The following FLRT1 variants were observed in gnomAD, a reference collection of about 807,000 sequenced individuals.
FLRT1 encodes the protein leucine-rich repeat transmembrane protein FLRT1.
Under a neutral mutation model 30.9 loss-of-function variants are expected in FLRT1, and 14 were observed. The ratio of observed to expected loss-of-function variants is 0.45; its 90% confidence interval spans 0.30 to 0.71. The LOEUF (loss-of-function observed/expected upper bound fraction) is 0.71. Among genes scored for constraint, FLRT1 ranks in the 30% least tolerant of loss-of-function variants. The pLI, the probability that FLRT1 is intolerant of heterozygous loss-of-function variation, is 0.08. For synonymous variants in FLRT1, 368 were observed against 430.4 expected, an observed-to-expected ratio of 0.85 and a Z score of 1.80; for missense variants, 737 against 949.2, an observed-to-expected ratio of 0.78 and a Z score of 2.94.
At chr11:64,114,912 GA>G (rs1346408690) in intron 2 of FLRT1, among the ~76,000 whole-genome samples, 1 of 152,204 alleles carries the variant, frequency 6.6e-6, no homozygotes, top group Non-Finnish European at 1.5e-5. Context: ...TTGCTCGATG[GA>G]AAGAAAAAGC....
chr11:64,096,245 G>A lies in FLRT1; in HGVS notation c.-1037-6949G>A, dbSNP rs563970599. Among the ~76,000 whole-genome samples, 16 of 152,306 alleles carry A rather than the reference G, an allele frequency of 1.1e-4. No individual in the cohort carries two copies. In the South Asian group the frequency reaches 2.5e-3, roughly 24 times the overall value. On this transcript the variant is annotated intron_variant, in intron 1 of 2. Coordinates refer to ENST00000682287, the MANE Select transcript of FLRT1 (RefSeq NM_013280.5). The surrounding 1 kb of genome is among the most constrained non-coding windows in gnomAD (Gnocchi z 4.6). Reference sequence around the variant, plus strand: ...GGGGTCGAACAGCCACTGTTCTGCCGACAAAAGCAGGCCAATTTCCTGAAA... The same window carrying A: ...GGGGTCGAACAGCCACTGTTCTGCCAACAAAAGCAGGCCAATTTCCTGAAA...
intron 1 of FLRT1, among the ~76,000 whole-genome samples, chr11:64,071,867 T>C (rs577967061): frequency 5.3e-5 from 8 of 152,216 alleles, no homozygotes; most frequent in Admixed American, 3.9e-4. Flanking sequence ...CCGTGGGCAG[T>C]AGTGGCGAGA....
chr11:64,047,922 A>T (rs1943615906), intron 1 of FLRT1, among the ~76,000 whole-genome samples: 1 of 148,224 alleles, frequency 6.7e-6, no homozygotes, highest in Non-Finnish European at 1.5e-5. Context: ...AAAAGGAAGG[A>T]AGCAGGAAAG....
At chr11:64,108,095 C>A (rs1057205636) in intron 2 of FLRT1, among the ~76,000 whole-genome samples, 3 of 152,094 alleles carry the variant, frequency 2.0e-5, no homozygotes, top group Admixed American at 6.5e-5. Context: ...GGGCAGATCA[C>A]CTGAGGTCAG....
At chr11:64,079,213 A>G (rs1944260265) in intron 1 of FLRT1, among the ~76,000 whole-genome samples, 1 of 151,850 alleles carries the variant, frequency 6.6e-6, no homozygotes, top group Non-Finnish European at 1.5e-5. Flanking sequence ...GTGTGTAGGG[A>G]GCCCCACGGC....
intron 1 of FLRT1, among the ~76,000 whole-genome samples, chr11:64,097,278 C>T (rs539789629): frequency 1.5e-3 from 225 of 152,326 alleles, no homozygotes; most frequent in Non-Finnish European, 2.2e-3. Context: ...CTACGGTCTG[C>T]GCCCAATTTG....
At chr11:64,097,383 T>C (rs1215168283) in intron 1 of FLRT1, among the ~76,000 whole-genome samples, 1 of 151,938 alleles carries the variant, frequency 6.6e-6, no homozygotes, top group Non-Finnish European at 1.5e-5. Flanking sequence ...AGGAAGAAAA[T>C]AAAGAAGGGG....
At chr11:64,111,622 G>A (rs963612562) in intron 2 of FLRT1, among the ~76,000 whole-genome samples, 1 of 152,202 alleles carries the variant, frequency 6.6e-6, no homozygotes, top group Non-Finnish European at 1.5e-5. Context: ...GGACCTGTGT[G>A]TAGGCGGCAA....
chr11:64,072,469 C>T (rs1433237659), intron 1 of FLRT1, among the ~76,000 whole-genome samples: 5 of 151,878 alleles, frequency 3.3e-5, no homozygotes, highest in Admixed American at 2.0e-4. Context: ...AAATATGAAA[C>T]GTACATGTGG....
At chr11:64,051,038 T>C (rs1943683903) in intron 1 of FLRT1, among the ~76,000 whole-genome samples, 1 of 152,158 alleles carries the variant, frequency 6.6e-6, no homozygotes. Flanking sequence ...CCTGGTAAAT[T>C]CCAAGGATTG....
intron 1 of FLRT1, among the ~76,000 whole-genome samples, chr11:64,097,138 G>A (rs1436455596): frequency 4.6e-5 from 7 of 152,202 alleles, no homozygotes; most frequent in Non-Finnish European, 1.0e-4. Flanking sequence ...CTGTGAGGAC[G>A]GCAGCTTCAG....
rs1220392472 is a variant in FLRT1 at position 64,072,080 on chromosome 11, G to A, written c.-1037-31114G>A. Among the ~76,000 whole-genome samples the A allele has an allele frequency of 2.6e-5, 4 of 152,244 alleles. No individual in the cohort carries two copies. The South Asian group carries it at 6.2e-4, about 24-fold the overall frequency. ...CCGGCAGACAAGATGATGTGAGCCCGAATCGAATCGACTGCTGAACTCATA... is the reference window on the plus strand; with the variant it reads ...CCGGCAGACAAGATGATGTGAGCCCAAATCGAATCGACTGCTGAACTCATA... On this transcript the variant is annotated intron_variant, in intron 1 of 2. Coordinates refer to ENST00000682287, the MANE Select transcript of FLRT1 (RefSeq NM_013280.5).
chr11:64,070,894 G>T (rs929535443), intron 1 of FLRT1, among the ~76,000 whole-genome samples: 10 of 152,152 alleles, frequency 6.6e-5, no homozygotes, highest in African/African-American at 2.2e-4. Context: ...TGGGACACTT[G>T]GGGAAGGGGT....
chr11:64,081,034 T>C (rs1944293552), intron 1 of FLRT1, among the ~76,000 whole-genome samples: 1 of 152,186 alleles, frequency 6.6e-6, no homozygotes. Flanking sequence ...TTATTTTATT[T>C]ATTTTGAGAT....
chr11:64,042,131 T>C (rs1170081731), intron 1 of FLRT1, among the ~76,000 whole-genome samples: 2 of 152,090 alleles, frequency 1.3e-5, no homozygotes, highest in Non-Finnish European at 2.9e-5. Context: ...GGGAGACAGA[T>C]GTGCACCACG....
chr11:64,096,997 G>A lies in FLRT1; in HGVS notation c.-1037-6197G>A, dbSNP rs146445673. 6.6e-6 allele frequency among the ~76,000 whole-genome samples: 1 copy of A among 152,222 alleles called. No individual in the cohort carries two copies. The highest frequency in any genetic ancestry group is 2.4e-5 in the African/African-American group (1 of 41,448). On this transcript the variant is annotated intron_variant, in intron 1 of 2. Transcript: ENST00000682287. The surrounding 1 kb of genome is among the most constrained non-coding windows in gnomAD (Gnocchi z 4.6). ...TTCCTGCCTACCCTTGCTGGGAGGA[G>A]ATTGCAAAGGCACAAGAGCACTCCA...
At chr11:64,046,411 C>T (rs1310544773) in intron 1 of FLRT1, among the ~76,000 whole-genome samples, 2 of 152,168 alleles carry the variant, frequency 1.3e-5, no homozygotes, top group African/African-American at 2.4e-5. Flanking sequence ...GTCCCCTGTG[C>T]TGGGGTGCGA....
chr11:64,109,388 C>CA (rs1707249102), intron 2 of FLRT1, among the ~76,000 whole-genome samples: 2 of 152,142 alleles, frequency 1.3e-5, no homozygotes, highest in African/African-American at 2.4e-5. Context: ...ACTGCTCCCC[C>CA]AGACCTGGGA....
At chr11:64,079,016 A>G (rs1418636362) in intron 1 of FLRT1, among the ~76,000 whole-genome samples, 1 of 147,556 alleles carries the variant, frequency 6.8e-6, no homozygotes, top group Non-Finnish European at 1.5e-5. Flanking sequence ...GAGGGTGGTG[A>G]TGGGACTGGG....
Sources: gnomAD v4.1 joint callset for allele counts (sites outside exome capture counted in the v4.1 genomes callset) on GRCh38, gnomAD v4.1.1 for gene constraint, Gnocchi (gnomAD v3.1) non-coding constraint, MANE v1.5 for transcripts, NCBI Gene and HGNC (gene_info 2026-07-23, HGNC 2026-07-21) for gene names.